Variants in TMCO4 observed in about 807,000 individuals in gnomAD.
TMCO4 encodes the protein transmembrane and coiled-coil domains 4, also known as transmembrane and coiled-coil domain-containing protein 4.
In TMCO4, 58 loss-of-function variants were observed where a neutral mutation model predicts 64.7. That is an observed-to-expected ratio of 0.90 (90% CI 0.73 to 1.12). The LOEUF is 1.12. TMCO4 is among the 50% of genes most tolerant of loss of function. The pLI is 0.00. For missense variants in TMCO4, 780 were observed against 825.9 expected (o/e 0.94, Z 0.68); for synonymous variants, 325 against 346.1 (o/e 0.94, Z 0.68).
chr1:19,792,842 C>A (rs2044118738), intron 2 of TMCO4, among the ~76,000 whole-genome samples: 1 of 136,572 alleles, frequency 7.3e-6, no homozygotes, highest in South Asian at 2.5e-4. Flanking sequence ...GCAATCTGGG[C>A]TCACTGCAAC....
At chr1:19,727,400 C>T (rs2095413377) in intron 13 of TMCO4, among the ~76,000 whole-genome samples, 1 of 152,206 alleles carries the variant, frequency 6.6e-6, no homozygotes, top group Non-Finnish European at 1.5e-5. Flanking sequence ...CCCCACACCA[C>T]TCTGCAAAAC....
chr1:19,770,302 T>A (rs1355108691), intron 6 of TMCO4, among the ~76,000 whole-genome samples: 1 of 152,072 alleles, frequency 6.6e-6, no homozygotes, highest in Non-Finnish European at 1.5e-5. Context: ...GAGAGTTACT[T>A]AGGAGGTAAA....
rs545375631 is a variant in TMCO4, at chr1:19,709,754, C to CA, written c.1265-8870dup. On this transcript the variant is annotated intron_variant, in intron 13 of 15. Transcript: ENST00000294543. ...TTTTTTTTGTATAAAAACAAACAAA[C>CA]AAAAAAAGCTCTGGAATTCTATTTT... Among the ~76,000 whole-genome samples, 460 of 148,092 alleles carry CA rather than the reference C, an allele frequency of 3.1e-3. 1 individual carries two copies. Among genetic ancestry groups the CA allele is most frequent in the Middle Eastern group, 6.9e-3 (2 of 290 alleles).
intron 6 of TMCO4, among the ~76,000 whole-genome samples, chr1:19,768,081 G>A (rs571503714): frequency 1.1e-4 from 14 of 130,414 alleles, no homozygotes; most frequent in Non-Finnish European, 1.6e-4. Context: ...GGACAAGAGC[G>A]AAACTTCATC....
chr1:19,699,052 C>T (rs184682381), intron 14 of TMCO4, among the ~76,000 whole-genome samples: 206 of 152,050 alleles, frequency 1.4e-3, no homozygotes, highest in Admixed American at 4.3e-3. Flanking sequence ...ATAAATTAGC[C>T]GGGCGTGGTG....
chr1:19,790,181 G>A (rs1203536589), intron 2 of TMCO4, among the ~76,000 whole-genome samples: 1 of 151,890 alleles, frequency 6.6e-6, no homozygotes, highest in Non-Finnish European at 1.5e-5. Flanking sequence ...ACTGAAGATG[G>A]ATTAAAGACT....
chr1:19,717,798 C>T (rs957838229), intron 13 of TMCO4, among the ~76,000 whole-genome samples: 7 of 152,186 alleles, frequency 4.6e-5, no homozygotes, highest in African/African-American at 1.7e-4. Flanking sequence ...AAAGTCTAGG[C>T]CCTTGAGATG....
chr1:19,766,122 T>A (rs2042725566), intron 6 of TMCO4, among the ~76,000 whole-genome samples: 1 of 152,226 alleles, frequency 6.6e-6, no homozygotes, highest in South Asian at 2.1e-4. Context: ...AAGCTCATTC[T>A]CCAAAGAAGT....
intron 6 of TMCO4, among the ~76,000 whole-genome samples, chr1:19,768,621 C>T (rs1042407118): frequency 6.6e-6 from 1 of 152,202 alleles, no homozygotes; most frequent in Non-Finnish European, 1.5e-5. Flanking sequence ...AAAGTATTAC[C>T]GAAGGCCTCG....
intron 13 of TMCO4, among the ~76,000 whole-genome samples, chr1:19,722,691 G>C (rs776724668): frequency 1.3e-5 from 2 of 152,108 alleles, no homozygotes; most frequent in Non-Finnish European, 2.9e-5. Context: ...GACAGGCTAG[G>C]GAGACACAGT....
intron 12 of TMCO4, among the ~76,000 whole-genome samples, chr1:19,737,832 G>A (rs770315617): frequency 1.2e-4 from 19 of 152,236 alleles, no homozygotes; most frequent in Non-Finnish European, 2.2e-4. Flanking sequence ...GCAGTGCTGC[G>A]GGACCCCTTC....
intron 4 of TMCO4, among the ~76,000 whole-genome samples, chr1:19,775,767 T>A (rs1362921844): frequency 6.6e-6 from 1 of 152,230 alleles, no homozygotes; most frequent in Non-Finnish European, 1.5e-5. Flanking sequence ...GCATCTGTGA[T>A]GTTCACAGCA....
In TMCO4 at chr1:19,737,395, A is replaced by G. The variant is rs758417267; in HGVS notation, c.1241T>C (p.Leu414Pro). The G allele has an allele frequency of 6.2e-7, 1 of 1,613,790 alleles. No individual in the cohort carries two copies. The highest frequency in any genetic ancestry group is 1.1e-5 in the South Asian group (1 of 91,050). The change falls in exon 13 of 16, where the codon CTG (leucine) becomes CCG (proline). Residue 414 changes from leucine to proline, a missense_variant. By Grantham distance (98) the Leu-to-Pro change is moderately conservative. Coordinates refer to ENST00000294543, the MANE Select transcript of TMCO4 (RefSeq NM_181719.7). ...ACCTTTCTCTTGAGCCATCTCCTGC[A>G]GACAGAAGTAGATGACTCTGGCTCC... ...SLGARVIYFC[L>P]QEMAQEKDCQ... is the part of the protein sequence containing the mutation.
intron 2 of TMCO4, among the ~76,000 whole-genome samples, chr1:19,795,403 C>T (rs1398588767): frequency 2.0e-5 from 3 of 151,892 alleles, no homozygotes; most frequent in South Asian, 2.1e-4. Flanking sequence ...ATCCAGGAGG[C>T]GGAGGTTGCA....
At chr1:19,690,353 G>A (rs1371288420) in intron 15 of TMCO4, among the ~76,000 whole-genome samples, 1 of 152,204 alleles carries the variant, frequency 6.6e-6, no homozygotes, top group Non-Finnish European at 1.5e-5. Flanking sequence ...CGTCTATTGG[G>A]CCGTCAATGG....
In TMCO4 at chr1:19,737,391, C is replaced by A. The variant is rs745856465; in HGVS notation, c.1245G>T (p.Gln415His). The A allele has an allele frequency of 7.6e-5, 123 of 1,613,634 alleles. No individual in the cohort carries two copies. Among genetic ancestry groups the A allele is most frequent in the Non-Finnish European group, 1.0e-4 (121 of 1,179,826 alleles). The change falls in exon 13 of 16, where the codon CAG becomes CAT. Residue 415 changes from glutamine to histidine, a missense_variant. Gln to His is a conservative substitution (Grantham distance 24). Coordinates refer to ENST00000294543, the MANE Select transcript of TMCO4 (RefSeq NM_181719.7). ...LGARVIYFCL[Q>H]EMAQEKDCQG... ...GCTCACCTTTCTCTTGAGCCATCTC[C>A]TGCAGACAGAAGTAGATGACTCTGG...
At chr1:19,768,093 CA>C (rs35417457) in intron 6 of TMCO4, among the ~76,000 whole-genome samples, 4,192 of 89,462 alleles carry the variant, frequency 0.047, 61 homozygotes, top group Middle Eastern at 0.1. Context: ...AACTTCATCT[CA>C]AAAAAAAAAA....
At chr1:19,733,261 C>T (rs769806264) in intron 13 of TMCO4, among the ~76,000 whole-genome samples, 23 of 151,564 alleles carry the variant, frequency 1.5e-4, no homozygotes, top group Admixed American at 4.6e-4. Flanking sequence ...AGCGAAACTC[C>T]GTCTCAAAAA....
intron 13 of TMCO4, among the ~76,000 whole-genome samples, chr1:19,725,231 C>A (rs2095403711): frequency 6.6e-6 from 1 of 152,188 alleles, no homozygotes; most frequent in South Asian, 2.1e-4. Context: ...AATGAAGACA[C>A]CTGCAGGCAG....
Sources: allele counts gnomAD v4.1 joint callset (sites outside exome capture counted in the v4.1 genomes callset), GRCh38; gene constraint gnomAD v4.1.1; transcripts MANE v1.5; gene names NCBI Gene and HGNC (gene_info 2026-07-23, HGNC 2026-07-21).